Variants in SCN8A observed in about 807,000 individuals in gnomAD.
SCN8A encodes the protein sodium channel protein type 8 subunit alpha.
In SCN8A, 30 loss-of-function variants were observed where a neutral mutation model predicts 184.1. The ratio of observed to expected loss-of-function variants is 0.16; its 90% CI spans 0.12 to 0.22. The LOEUF is 0.22. Among genes scored for constraint, SCN8A ranks in the 10% least tolerant of loss-of-function variants. The pLI is 1.00. For synonymous variants in SCN8A, 852 were observed against 907.0 expected (o/e 0.94, Z 1.09); for missense variants, 1,057 against 2,498.9 (o/e 0.42, Z 12.30).
rs1335543365 is a variant in SCN8A at position 51,807,631 on chromosome 12, T to G, written c.*202T>G. The G allele has an allele frequency of 8.1e-6, 5 of 613,906 alleles. No individual in the cohort carries two copies. The highest frequency in any genetic ancestry group is 8.5e-6 in the Non-Finnish European group (3 of 352,124). The allele number at this position is 613,906 out of a possible 1,614,324, so 38.0% of individuals were successfully genotyped here. ...GGGCAAAGGACCCCGCTCCCTAGACTTACAGATTTTCTAATGCTTGGGCAG... is the reference window on the plus strand; with the variant it reads ...GGGCAAAGGACCCCGCTCCCTAGACGTACAGATTTTCTAATGCTTGGGCAG... On this transcript the variant is annotated 3_prime_UTR_variant, in exon 27 of 27. Coordinates refer to ENST00000627620, the MANE Select transcript of SCN8A (RefSeq NM_001330260.2). This position sits in a 1 kb window ranked among gnomAD's most constrained non-coding sequence, Gnocchi z 4.5.
chr12:51,686,496 A>G (rs947564180), intron 4 of SCN8A, 39 bp downstream of exon 4: 1 of 1,389,218 alleles, frequency 7.2e-7, no homozygotes, highest in Admixed American at 1.8e-5. Context: ...TTTGTTTTAA[A>G]TATTTTTAGT....
intron 1 of SCN8A, among the ~76,000 whole-genome samples, chr12:51,622,275 G>T (rs1366703328): frequency 6.6e-6 from 1 of 152,146 alleles, no homozygotes; most frequent in Non-Finnish European, 1.5e-5. Flanking sequence ...TGGTGTATTT[G>T]TCAGAACTAA....
intron 14 of SCN8A, among the ~76,000 whole-genome samples, chr12:51,756,602 T>A (rs1278495116): frequency 6.6e-6 from 1 of 152,248 alleles, no homozygotes; most frequent in East Asian, 1.9e-4. Context: ...CCACGCCTCA[T>A]ACCACTTCCA....
At chr12:51,601,362 C>T (rs1008491496) in intron 1 of SCN8A, among the ~76,000 whole-genome samples, 1 of 151,820 alleles carries the variant, frequency 6.6e-6, no homozygotes, top group Admixed American at 6.6e-5. Flanking sequence ...TTACTAAGTG[C>T]ACAGACTGAA....
At chr12:51,788,128 T>G (rs1303115248) in intron 22 of SCN8A, among the ~76,000 whole-genome samples, 2 of 152,152 alleles carry the variant, frequency 1.3e-5, no homozygotes, top group African/African-American at 4.8e-5. Context: ...AGTCTAGATA[T>G]AGTAGACTGA....
Position 51,765,817 on chromosome 12 carries a change from T to C in SCN8A, c.2691T>C (p.Phe897=), listed in dbSNP as rs1057519119. The change falls in exon 16 of 27, where the codon TTT becomes TTC. Residue 897 remains phenylalanine, a synonymous_variant. Transcript: ENST00000627620. ...TTGCCGTGGTGGGGATGCAACTCTT[T>C]GGAAAAAGCTACAAAGAGTGTGTCT... is the stretch of plus-strand genomic sequence containing the variant. ...FIFAVVGMQL[F]GKSYKECVCK... The C allele has an allele frequency of 3.1e-6, 5 of 1,613,916 alleles. No homozygotes were observed. The African/African-American group carries it at 6.7e-5, about 22-fold the overall frequency.
At chr12:51,743,818 T>G (rs1290417550) in intron 12 of SCN8A, among the ~76,000 whole-genome samples, 1 of 152,054 alleles carries the variant, frequency 6.6e-6, no homozygotes, top group Admixed American at 6.5e-5. Context: ...AAGCCAGGGA[T>G]TGGAGCAAAA....
In SCN8A at chr12:51,769,751, A is replaced by G. The variant is rs893241738; in HGVS notation, c.3373-117A>G. The G allele has an allele frequency of 4.7e-4, 334 of 715,650 alleles. 3 individuals are homozygous for G. Among genetic ancestry groups the G allele is most frequent in the Non-Finnish European group, 2.6e-4 (104 of 406,446 alleles). The allele number at this position is 715,650 out of a possible 1,614,324, so 44.3% of individuals were successfully genotyped here. A position where few individuals can be genotyped will look rare whatever the true frequency, so the allele number is the denominator to read the frequency against. On this transcript the variant is annotated intron_variant, in intron 17 of 26. Transcript: ENST00000627620. Reference sequence around the variant, plus strand: ...GGTTTGCTTATCGCGAGTTGTAGTAAGAATTCTAGAGAGGAGTCAGAGCTG... The same window carrying G: ...GGTTTGCTTATCGCGAGTTGTAGTAGGAATTCTAGAGAGGAGTCAGAGCTG...
chr12:51,722,166 C>A, intron 12 of SCN8A: 1 of 574,672 alleles, frequency 1.7e-6, no homozygotes, highest in Non-Finnish European at 3.0e-6. Context: ...GCTCCATTTT[C>A]CCCATCTTCC....
chr12:51,771,687 C>A (rs1942927528), intron 19 of SCN8A, among the ~76,000 whole-genome samples: 2 of 152,180 alleles, frequency 1.3e-5, no homozygotes, highest in African/African-American at 4.8e-5. Context: ...TTGGTAGCCA[C>A]TGATCTGAGT....
intron 26 of SCN8A, among the ~76,000 whole-genome samples, chr12:51,798,347 G>A (rs1189190989): frequency 1.3e-5 from 2 of 152,184 alleles, no homozygotes; most frequent in Non-Finnish European, 2.9e-5. Flanking sequence ...GGTAGTCTTG[G>A]CAGAAGCATT....
intron 11 of SCN8A, among the ~76,000 whole-genome samples, chr12:51,720,820 C>G (rs534067290): frequency 6.6e-6 from 1 of 151,858 alleles, no homozygotes; most frequent in Admixed American, 6.6e-5. Flanking sequence ...AATCCCAGCA[C>G]TTTGGGAGGC....
At chr12:51,664,227 A>C (rs1940985192) in intron 2 of SCN8A, among the ~76,000 whole-genome samples, 3 of 147,750 alleles carry the variant, frequency 2.0e-5, no homozygotes, top group Admixed American at 2.0e-4. Context: ...TTTTTTTTTG[A>C]GACAGAGTCT....
intron 11 of SCN8A, among the ~76,000 whole-genome samples, chr12:51,707,566 C>A (rs1941805588): frequency 6.6e-6 from 1 of 152,118 alleles, no homozygotes; most frequent in Non-Finnish European, 1.5e-5. Context: ...TGGTGCCCAC[C>A]ACATTAAGGG....
chr12:51,742,602 T>A (rs1419314711), intron 12 of SCN8A, among the ~76,000 whole-genome samples: 1 of 152,020 alleles, frequency 6.6e-6, no homozygotes, highest in Non-Finnish European at 1.5e-5. Context: ...TTTTTTTCTT[T>A]TCTCTTGCTG....
intron 11 of SCN8A, among the ~76,000 whole-genome samples, chr12:51,709,641 G>A (rs1941841296): frequency 6.6e-6 from 1 of 152,128 alleles, no homozygotes; most frequent in Admixed American, 6.5e-5. Flanking sequence ...TGTTGAGTGG[G>A]GAGTGGAGAC....
chr12:51,704,963 A>G (rs1008185803), intron 9 of SCN8A, among the ~76,000 whole-genome samples: 4 of 152,104 alleles, frequency 2.6e-5, no homozygotes, highest in African/African-American at 9.7e-5. Context: ...TGATAGTGTG[A>G]CACTTCATCT....
Position 51,699,805 on chromosome 12 carries a change from T to A in SCN8A, c.928+14T>A. The A allele has an allele frequency of 6.3e-7, 1 of 1,596,510 alleles. No individual in the cohort carries two copies. Among genetic ancestry groups the A allele is most frequent in the African/African-American group, 1.3e-5 (1 of 74,660 alleles). On this transcript the variant is annotated intron_variant, in intron 7 of 26. Transcript: ENST00000627620. ...TCAACAATAAAAGTAGGTGGCCTCT[T>A]CTCTGCAAGAGGAATAGGAAAAGTC...
At chr12:51,640,564 G>A (rs138708376) in intron 1 of SCN8A, among the ~76,000 whole-genome samples, 1 of 152,190 alleles carries the variant, frequency 6.6e-6, no homozygotes, top group East Asian at 1.9e-4. Context: ...GTATAGGAGT[G>A]GAAAAGTACA....
Sources: gnomAD v4.1 joint callset for allele counts (sites outside exome capture counted in the v4.1 genomes callset) on GRCh38, gnomAD v4.1.1 for gene constraint, Gnocchi (gnomAD v3.1) non-coding constraint, MANE v1.5 for transcripts, NCBI Gene and HGNC (gene_info 2026-07-23, HGNC 2026-07-21) for gene names.